The following ABCA5 variants were observed in gnomAD, a reference collection of about 807,000 sequenced individuals.
ABCA5 encodes ATP binding cassette subfamily A member 5.
ABCA5 carries 163 observed loss-of-function variants against 206.0 expected under a neutral mutation model. That is an observed-to-expected ratio of 0.79 (90% CI 0.70 to 0.90). ABCA5 has a LOEUF of 0.90. ABCA5 is among the 40% of genes least tolerant of loss of function. The pLI is 0.00. For synonymous variants in ABCA5, 609 were observed against 613.8 expected, an observed-to-expected ratio of 0.99 and a Z score of 0.11; for missense variants, 1,859 against 1,912.9, an observed-to-expected ratio of 0.97 and a Z score of 0.53.
chr17:69,294,708 C>T lies in ABCA5; in HGVS notation c.1442G>A (p.Ser481Asn), dbSNP rs377753556. 3.1e-6 allele frequency: 5 copies of T among 1,592,118 alleles called. No homozygotes were observed. The highest frequency in any genetic ancestry group is 4.3e-6 in the Non-Finnish European group (5 of 1,164,544). The change falls in exon 11 of 39, where the codon AGT (serine) becomes AAT (asparagine). Residue 481 changes from serine (S) to asparagine (N), a missense_variant. Physicochemically the swap from Ser to Asn is conservative, Grantham distance 46. Coordinates refer to ENST00000392676, the MANE Select transcript of ABCA5 (RefSeq NM_172232.4). Reference sequence around the variant, plus strand: ...CTTTCTGTATGTCTTCTGAATACCACTAATTCTGAAATATAAAGTTTTATA... The same window carrying T: ...CTTTCTGTATGTCTTCTGAATACCATTAATTCTGAAATATAAAGTTTTATA... ...EFVGKEAIRI[S>N]GIQKTYRKKG...
chr17:69,277,501 CAT>C lies in ABCA5; in HGVS notation c.2594+138_2594+139del, dbSNP rs2075346622. 5 of 621,544 alleles carry C rather than the reference CAT, an allele frequency of 8.0e-6. No individual in the cohort carries two copies. The South Asian group carries it at 1.2e-4, about 15-fold the overall frequency. 38.5% of individuals were successfully genotyped at this position (621,544 alleles called of 1,614,324 possible). A position where few individuals can be genotyped will look rare whatever the true frequency, so the allele number is the denominator to read the frequency against. ...AAATTATTGTAATTTTTTTCTCTAA[CAT>C]TGTGAAATTACAGTGGTAATCTTTC... On this transcript the variant is annotated intron_variant, in intron 19 of 38. Coordinates refer to ENST00000392676, the MANE Select transcript of ABCA5 (RefSeq NM_172232.4).
intron 24 of ABCA5, among the ~76,000 whole-genome samples, 157 bp downstream of exon 24, chr17:69,264,578 T>C (rs1472317040): frequency 6.6e-6 from 1 of 152,206 alleles, no homozygotes; most frequent in Non-Finnish European, 1.5e-5. Flanking sequence ...ACTTATCATA[T>C]AAAATGATTA....
intron 1 of ABCA5, chr17:69,315,407 G>C (rs1166722113): frequency 2.0e-5 from 3 of 152,230 alleles, no homozygotes; most frequent in African/African-American, 7.2e-5. Context: ...AGCCTGCTAA[G>C]AGAAAATATC....
rs1449793602 is a variant in ABCA5 at position 69,298,273 on chromosome 17, AAGGAAGGAAGGG to A, written c.1268-926_1268-915del. 9.7e-3 allele frequency among the ~76,000 whole-genome samples: 1,231 copies of A among 127,152 alleles called. 56 individuals carry two copies. Among genetic ancestry groups the A allele is most frequent in the African/African-American group, 0.032 (1,008 of 31,134 alleles). The allele number at this position is 127,152 out of a possible 152,430, so 83.4% of individuals were successfully genotyped here. On this transcript the variant is annotated intron_variant, in intron 9 of 38. Transcript: ENST00000392676. Reference sequence around the variant, plus strand: ...GAAGGAAGGAAGGAAGGAAGGAAGGAAGGAAGGAAGGGAGGGAGGGGAAAGAGAAAGAAAGAG... The same window carrying A: ...GAAGGAAGGAAGGAAGGAAGGAAGGAAGGGAGGGGAAAGAGAAAGAAAGAG...
At chr17:69,286,111 TA>T (rs2075448937) in intron 16 of ABCA5, 74 bp from the exon 17 acceptor site, 2 of 1,557,480 alleles carry the variant, frequency 1.3e-6, no homozygotes, top group Non-Finnish European at 1.7e-6. Context: ...GGCTTTAAAT[TA>T]AATTTAGTAC....
At chr17:69,322,617 CCT>C (rs1023443729) in intron 1 of ABCA5, among the ~76,000 whole-genome samples, 2 of 151,906 alleles carry the variant, frequency 1.3e-5, no homozygotes, top group African/African-American at 4.8e-5. Flanking sequence ...CTTAGAAGAG[CCT>C]CTCTCTTCCC....
At chr17:69,258,165 T>G (rs1468206391) in intron 28 of ABCA5, among the ~76,000 whole-genome samples, 3 of 151,976 alleles carry the variant, frequency 2.0e-5, no homozygotes, top group African/African-American at 7.2e-5. Context: ...ATCCTACTAC[T>G]GGATATATAT....
At chr17:69,263,845 T>C (rs1160069311) in intron 24 of ABCA5, among the ~76,000 whole-genome samples, 1 of 151,924 alleles carries the variant, frequency 6.6e-6, no homozygotes, top group African/African-American at 2.4e-5. Flanking sequence ...TACAGGCGCA[T>C]GCCACCACGT....
At chr17:69,298,434 C>T (rs1403358278) in intron 9 of ABCA5, among the ~76,000 whole-genome samples, 1 of 152,138 alleles carries the variant, frequency 6.6e-6, no homozygotes, top group East Asian at 1.9e-4. Flanking sequence ...TACCTACACT[C>T]CTCATTTTTT....
chr17:69,310,400 G>C (rs945392046), intron 3 of ABCA5, among the ~76,000 whole-genome samples: 1 of 152,040 alleles, frequency 6.6e-6, no homozygotes, highest in Non-Finnish European at 1.5e-5. Context: ...CTGAGCCTCC[G>C]GACTAGTTGG....
At chr17:69,289,422 A>G (rs1013710659) in intron 13 of ABCA5, 126 bp from the exon 14 acceptor site, 2 of 734,792 alleles carry the variant, frequency 2.7e-6, no homozygotes, top group African/African-American at 3.7e-5. Context: ...GTTTTTAAAT[A>G]ATTTTAATAT....
intron 1 of ABCA5, among the ~76,000 whole-genome samples, chr17:69,321,245 A>C (rs887573111): frequency 1.3e-5 from 2 of 152,212 alleles, no homozygotes; most frequent in Non-Finnish European, 2.9e-5. Context: ...ACTCTTGTGG[A>C]TGAAAGAATG....
chr17:69,322,363 C>CAAAAAA lies in ABCA5; in HGVS notation c.-16+4683_-16+4688dup, dbSNP rs3029978. On this transcript the variant is annotated intron_variant, in intron 1 of 38. Coordinates refer to ENST00000392676, the MANE Select transcript of ABCA5 (RefSeq NM_172232.4). ...CTGGCAACAGAGCAAGATTCCGTCT[C>CAAAAAA]AAAAAAAAAAAAAAAAAAAAAAAAG... Among the ~76,000 whole-genome samples the CAAAAAA allele has an allele frequency of 1.3e-3, 67 of 52,356 alleles. 3 individuals carry two copies. The highest frequency in any genetic ancestry group is 1.7e-3 in the Admixed American group (6 of 3,518). 34.3% of individuals were successfully genotyped at this position (52,356 alleles called of 152,430 possible). A position where few individuals can be genotyped will look rare whatever the true frequency, so the allele number is the denominator to read the frequency against.
Position 69,247,631 on chromosome 17 carries a change from A to C in ABCA5, c.4835T>G (p.Leu1612Arg). The change falls in exon 39 of 39, where the codon CTC becomes CGC. Residue 1612 changes from leucine (L) to arginine (R), a missense_variant. By Grantham distance (102) the Leu-to-Arg change is moderately radical. Coordinates refer to ENST00000392676, the MANE Select transcript of ABCA5 (RefSeq NM_172232.4). ...QATLEQVFVE[L>R]TKEQEEEDNS... The stretch of plus-strand genomic sequence containing the variant: ...ATCTTCCTCCTCTTGTTCTTTAGTG[A>C]GTTCTACAAAAACCTAGGTGAAAAG... 1 of 1,604,822 alleles carries C rather than the reference A, an allele frequency of 6.2e-7. No homozygotes were observed. Among genetic ancestry groups the C allele is most frequent in the South Asian group, 1.1e-5 (1 of 89,470 alleles).
At position 69,247,688 on chromosome 17, in the gene ABCA5, G is replaced by A. The variant is rs371406764; in HGVS notation, c.4822-44C>T. The stretch of plus-strand genomic sequence containing the variant: ...ATGAATACAGTATGCTGTATCTCAA[G>A]TACCTCAAAGAACTTTTAACTAAAT... On this transcript the variant is annotated intron_variant, in intron 38 of 38. Transcript: ENST00000392676. The A allele has an allele frequency of 6.1e-6, 7 of 1,145,998 alleles. No homozygotes were observed. The East Asian group carries it at 1.7e-4, about 28-fold the overall frequency. The allele number at this position is 1,145,998 out of a possible 1,614,324, so 71.0% of individuals were successfully genotyped here.
rs574191844 is a variant in ABCA5, at chr17:69,245,157, ACT to A, written c.*2378_*2379del. The A allele has an allele frequency of 4.6e-5, 7 of 151,776 alleles. No homozygotes were observed. In the South Asian group the frequency reaches 1.2e-3, roughly 27 times the overall value. The allele number at this position is 151,776 out of a possible 1,614,324, so 9.4% of individuals were successfully genotyped here. ...AAAAAAATTATTTTAAAGAAAACCC[ACT>A]GTCTTTACTGAAAACAAACTAGAAA... On this transcript the variant is annotated 3_prime_UTR_variant, in exon 39 of 39. Coordinates refer to ENST00000392676, the MANE Select transcript of ABCA5 (RefSeq NM_172232.4).
chr17:69,275,031 A>T (rs2075315896), intron 19 of ABCA5, among the ~76,000 whole-genome samples: 1 of 151,794 alleles, frequency 6.6e-6, no homozygotes, highest in Non-Finnish European at 1.5e-5. Flanking sequence ...TTTAGTAGAG[A>T]CAGGGTTTTG....
At chr17:69,303,829 T>TATATACACATACATATATATAC (rs1567778310) in intron 7 of ABCA5, among the ~76,000 whole-genome samples, 2 of 14,596 alleles carry the variant, frequency 1.4e-4, no homozygotes, top group African/African-American at 3.0e-4. Flanking sequence ...TATATATGTA[T>TATATACACATACATATATATAC]ATATATATAT....
Position 69,309,332 on chromosome 17 carries a change from G to A in ABCA5, c.399C>T (p.Asp133=), listed in dbSNP as rs1208683790. ...AAAAACGAAGTTCATAGGACATGGA[G>A]TCTTTGAAAACCACACCTACAAAGT... ...PSNFVGVVFK[D]SMSYELRFFP... is the part of the protein sequence containing the mutation. The change falls in exon 4 of 39, where the codon GAC becomes GAT. Residue 133 remains aspartate, a synonymous_variant. Transcript: ENST00000392676. The A allele has an allele frequency of 3.1e-6, 5 of 1,607,022 alleles. No individual in the cohort carries two copies.
Sources: allele counts gnomAD v4.1 joint callset (sites outside exome capture counted in the v4.1 genomes callset), GRCh38; gene constraint gnomAD v4.1.1; transcripts MANE v1.5; gene names NCBI Gene and HGNC (gene_info 2026-07-23, HGNC 2026-07-21).